Variants in CHCHD6 observed in about 807,000 individuals in gnomAD.
The protein encoded by CHCHD6 is MICOS complex subunit MIC25.
In CHCHD6, 28 loss-of-function variants were observed where a neutral mutation model predicts 32.3. The ratio of observed to expected loss-of-function variants is 0.87; its 90% CI spans 0.64 to 1.19. The LOEUF (loss-of-function observed/expected upper bound fraction) is 1.19. CHCHD6 is among the 50% of genes most tolerant of loss of function. The pLI is 0.00. For missense variants in CHCHD6, 333 were observed against 307.0 expected, an observed-to-expected ratio of 1.08 and a Z score of -0.63; for synonymous variants, 122 against 117.5, an observed-to-expected ratio of 1.04 and a Z score of -0.25.
At chr3:126,924,329 C>T (rs1214439121) in intron 6 of CHCHD6, among the ~76,000 whole-genome samples, 1 of 152,096 alleles carries the variant, frequency 6.6e-6, no homozygotes, top group Non-Finnish European at 1.5e-5. Context: ...CTGGTTAGTT[C>T]GGAGAAGTTC....
At chr3:126,882,864 A>G (rs1355508827) in intron 5 of CHCHD6, among the ~76,000 whole-genome samples, 1 of 152,192 alleles carries the variant, frequency 6.6e-6, no homozygotes, top group Non-Finnish European at 1.5e-5. Flanking sequence ...CTCCAAAATG[A>G]TAAGTTCTCT....
intron 5 of CHCHD6, among the ~76,000 whole-genome samples, chr3:126,861,860 T>C (rs1272616845): frequency 7.1e-5 from 3 of 42,442 alleles, no homozygotes; most frequent in African/African-American, 1.8e-4. Flanking sequence ...TCCTCCACCA[T>C]CACCACCTCC....
chr3:126,955,405 G>T (rs1417361851), intron 6 of CHCHD6, among the ~76,000 whole-genome samples: 1 of 152,230 alleles, frequency 6.6e-6, no homozygotes, highest in African/African-American at 2.4e-5. Context: ...TCCTCTTCAG[G>T]AAATAAGAGG....
chr3:126,812,512 C>T (rs1219090169), intron 4 of CHCHD6, among the ~76,000 whole-genome samples: 1 of 151,894 alleles, frequency 6.6e-6, no homozygotes, highest in Non-Finnish European at 1.5e-5. Context: ...CAACCTCCGC[C>T]TCCTGGGTTC....
chr3:126,784,416 T>C (rs538329632), intron 4 of CHCHD6, among the ~76,000 whole-genome samples: 1 of 152,312 alleles, frequency 6.6e-6, no homozygotes, highest in African/African-American at 2.4e-5. Context: ...TCAGCCATTG[T>C]GGATGTCACT....
At chr3:126,754,738 C>T (rs1342945856) in intron 4 of CHCHD6, among the ~76,000 whole-genome samples, 2 of 152,218 alleles carry the variant, frequency 1.3e-5, no homozygotes, top group Non-Finnish European at 2.9e-5. Flanking sequence ...CACGTCCCTC[C>T]AGATGAATTT....
intron 4 of CHCHD6, among the ~76,000 whole-genome samples, chr3:126,753,887 C>T (rs7632643): frequency 0.066 from 10,054 of 152,254 alleles, 1,105 homozygotes; most frequent in African/African-American, 0.23. Context: ...AGAAGCTCAG[C>T]AGTACCTGCT....
rs373780509 is a variant in CHCHD6, at chr3:126,928,137, C to T, written c.566+13387C>T. 2.4e-4 allele frequency among the ~76,000 whole-genome samples: 36 copies of T among 152,368 alleles called. 1 individual carries two copies. The South Asian group carries it at 5.4e-3, about 23-fold the overall frequency. On this transcript the variant is annotated intron_variant, in intron 6 of 7. Coordinates refer to ENST00000290913, the MANE Select transcript of CHCHD6 (RefSeq NM_032343.3). Reference sequence around the variant, plus strand: ...AGCAGCTCCAGGCTGCGATGACTTCCGTGAGAGCCCACCAGAGGGACTGCT... The same window carrying T: ...AGCAGCTCCAGGCTGCGATGACTTCTGTGAGAGCCCACCAGAGGGACTGCT...
At chr3:126,957,797 T>C (rs2078808061) in intron 7 of CHCHD6, 1 of 581,498 alleles carries the variant, frequency 1.7e-6, no homozygotes. Context: ...GTTTGCCCTA[T>C]TAGGCTGGGT....
At chr3:126,827,218 A>G (rs1324538027) in intron 4 of CHCHD6, among the ~76,000 whole-genome samples, 2 of 152,206 alleles carry the variant, frequency 1.3e-5, no homozygotes, top group African/African-American at 4.8e-5. Flanking sequence ...TTGTGCAACT[A>G]TTGAAGGCTT....
intron 4 of CHCHD6, among the ~76,000 whole-genome samples, chr3:126,740,190 A>C (rs1378213236): frequency 1.3e-5 from 2 of 152,074 alleles, no homozygotes; most frequent in African/African-American, 4.8e-5. Context: ...CCACCAGACT[A>C]TTTTATAGGC....
At chr3:126,946,579 T>C (rs2078642652) in intron 6 of CHCHD6, among the ~76,000 whole-genome samples, 1 of 152,210 alleles carries the variant, frequency 6.6e-6, no homozygotes, top group South Asian at 2.1e-4. Context: ...CCCGGCATCC[T>C]GCAGTTGATA....
chr3:126,945,090 T>C (rs2078615968), intron 6 of CHCHD6, among the ~76,000 whole-genome samples: 2 of 152,126 alleles, frequency 1.3e-5, no homozygotes, highest in Non-Finnish European at 2.9e-5. Context: ...TTTAGGCTGG[T>C]ACGATGGAGT....
intron 4 of CHCHD6, among the ~76,000 whole-genome samples, chr3:126,802,672 T>G (rs1446262127): frequency 1.3e-5 from 2 of 152,156 alleles, no homozygotes. Context: ...TTCCCCAATC[T>G]AGCCATGCAG....
intron 1 of CHCHD6, among the ~76,000 whole-genome samples, chr3:126,721,399 C>T (rs1191664615): frequency 2.0e-5 from 3 of 152,196 alleles, no homozygotes; most frequent in Admixed American, 2.0e-4. Flanking sequence ...ACATCGCTGC[C>T]GTCCCGCCCA....
chr3:126,945,680 T>C (rs6763458), intron 6 of CHCHD6, among the ~76,000 whole-genome samples: 2,692 of 82,200 alleles, frequency 0.033, 37 homozygotes, highest in Middle Eastern at 0.12. Context: ...ACTTGGGAGA[T>C]TCGGGGGAAG....
intron 3 of CHCHD6, among the ~76,000 whole-genome samples, chr3:126,732,868 C>T (rs1005844375): frequency 6.6e-6 from 1 of 152,150 alleles, no homozygotes; most frequent in African/African-American, 2.4e-5. Flanking sequence ...GTCATTGTCT[C>T]CTCTTGTCTG....
chr3:126,883,816 G>T (rs1296335542), intron 5 of CHCHD6, among the ~76,000 whole-genome samples: 2 of 152,166 alleles, frequency 1.3e-5, no homozygotes, highest in African/African-American at 4.8e-5. Flanking sequence ...TGTATTTGTG[G>T]ATATGAAAAT....
At position 126,892,267 on chromosome 3, in the gene CHCHD6, T is replaced by TC. The variant is rs559148080; in HGVS notation, c.496-22412dup. On this transcript the variant is annotated intron_variant, in intron 5 of 7. Coordinates refer to ENST00000290913, the MANE Select transcript of CHCHD6 (RefSeq NM_032343.3). ...AGTCTCTCTCATGAGAGCTGGTTGTTCTTCAGTTAAGGCGCTGTGACTTAA... is the reference window on the plus strand; with the variant it reads ...AGTCTCTCTCATGAGAGCTGGTTGTTCCTTCAGTTAAGGCGCTGTGACTTAA... Among the ~76,000 whole-genome samples the TC allele has an allele frequency of 5.3e-5, 8 of 152,138 alleles. No individual in the cohort carries two copies. In the South Asian group the frequency reaches 1.5e-3, roughly 28 times the overall value.
Sources: gnomAD v4.1 joint callset for allele counts (sites outside exome capture counted in the v4.1 genomes callset) on GRCh38, gnomAD v4.1.1 for gene constraint, MANE v1.5 for transcripts, NCBI Gene and HGNC (gene_info 2026-07-23, HGNC 2026-07-21) for gene names.